The following GALNT13 variants were observed in gnomAD, a reference collection of about 807,000 sequenced individuals.
GALNT13 encodes polypeptide N-acetylgalactosaminyltransferase 13.
In GALNT13, 28 loss-of-function variants were observed where a neutral mutation model predicts 64.2. The observed-to-expected ratio is 0.44, with a 90% confidence interval of 0.32 to 0.60. The LOEUF is 0.60. Among genes scored for constraint, GALNT13 ranks in the 20% least tolerant of loss-of-function variants. The pLI is 0.05. For missense variants in GALNT13, 577 were observed against 669.8 expected (o/e 0.86, Z 1.53); for synonymous variants, 214 against 224.6 (o/e 0.95, Z 0.42).
chr2:153,971,908 A>G (rs1693767344), intron 3 of GALNT13, among the ~76,000 whole-genome samples: 1 of 152,136 alleles, frequency 6.6e-6, no homozygotes, highest in Admixed American at 6.6e-5. Flanking sequence ...AAGGATTGAG[A>G]TGAGATCATA....
chr2:153,296,097 C>G, the GALNT13 span, among the ~76,000 whole-genome samples: 1 of 152,164 alleles, frequency 6.6e-6, no homozygotes, highest in Non-Finnish European at 1.5e-5. Flanking sequence ...GATAGGAAAA[C>G]TCTAGCTATC....
intron 2 of GALNT13, among the ~76,000 whole-genome samples, chr2:153,922,966 C>A (rs747438814): frequency 6.6e-6 from 1 of 151,948 alleles, no homozygotes; most frequent in African/African-American, 2.4e-5. Context: ...GCGGTGTGAT[C>A]TGGGCTCACT....
At chr2:154,134,575 G>A (rs1448587741) in intron 3 of GALNT13, among the ~76,000 whole-genome samples, 1 of 152,126 alleles carries the variant, frequency 6.6e-6, no homozygotes, top group African/African-American at 2.4e-5. Context: ...CAAAGAAAAA[G>A]CATTGGTTAA....
At chr2:154,186,757 C>T (rs1686273041) in intron 4 of GALNT13, among the ~76,000 whole-genome samples, 1 of 152,038 alleles carries the variant, frequency 6.6e-6, no homozygotes, top group African/African-American at 2.4e-5. Context: ...GACTTTGACC[C>T]TGAGTGCACA....
the GALNT13 span, among the ~76,000 whole-genome samples, chr2:153,616,935 A>G: frequency 1.8e-4 from 28 of 151,936 alleles, no homozygotes; most frequent in African/African-American, 6.5e-4. Context: ...ACATGGGAGT[A>G]CCAGATATAT....
In GALNT13 at chr2:154,101,521, C is replaced by T. The variant is rs900112546; in HGVS notation, c.143-38816C>T. Reference sequence around the variant, plus strand: ...CTGTTATTTTTGTCATTTTTGATTGCGCTTATTTGAATTTTGTCTCTTTTA... The same window carrying T: ...CTGTTATTTTTGTCATTTTTGATTGTGCTTATTTGAATTTTGTCTCTTTTA... On this transcript the variant is annotated intron_variant, in intron 3 of 12. Transcript: ENST00000392825. 1.4e-4 allele frequency among the ~76,000 whole-genome samples: 21 copies of T among 151,846 alleles called. 1 individual carries two copies. The highest frequency in any genetic ancestry group is 9.2e-4 in the Admixed American group (14 of 15,222).
At chr2:153,132,290 C>T in the GALNT13 span, among the ~76,000 whole-genome samples, 3 of 152,136 alleles carry the variant, frequency 2.0e-5, no homozygotes, top group Non-Finnish European at 2.9e-5. Context: ...CCCAGTTGCT[C>T]TTCTCTGACT....
At chr2:154,276,230 C>A (rs986192347) in intron 8 of GALNT13, among the ~76,000 whole-genome samples, 5 of 150,206 alleles carry the variant, frequency 3.3e-5, no homozygotes, top group Non-Finnish European at 5.9e-5. Flanking sequence ...TTTGTTTTCT[C>A]TTTTTTTTTG....
At chr2:153,265,602 G>GC in the GALNT13 span, among the ~76,000 whole-genome samples, 1 of 152,160 alleles carries the variant, frequency 6.6e-6, no homozygotes, top group African/African-American at 2.4e-5. Flanking sequence ...CCTCTTTAGT[G>GC]TCTATTTCTT....
chr2:153,882,059 T>C (rs1686822136), intron 1 of GALNT13, among the ~76,000 whole-genome samples: 1 of 152,104 alleles, frequency 6.6e-6, no homozygotes, highest in Non-Finnish European at 1.5e-5. Flanking sequence ...GAACTATTTT[T>C]ATCTAAACTA....
chr2:153,234,906 C>T, the GALNT13 span, among the ~76,000 whole-genome samples: 4 of 152,148 alleles, frequency 2.6e-5, no homozygotes, highest in Non-Finnish European at 4.4e-5. Flanking sequence ...TATTGTACTT[C>T]GTAGCATTTG....
chr2:153,744,506 C>T, the GALNT13 span, among the ~76,000 whole-genome samples: 1 of 151,988 alleles, frequency 6.6e-6, no homozygotes, highest in African/African-American at 2.4e-5. Context: ...AGATATTTTG[C>T]CTATTTTTAA....
intron 8 of GALNT13, among the ~76,000 whole-genome samples, chr2:154,296,347 C>A (rs1692924029): frequency 6.6e-6 from 1 of 152,156 alleles, no homozygotes; most frequent in Admixed American, 6.5e-5. Context: ...GCTCTAAAGG[C>A]AGCACCAGGA....
the GALNT13 span, among the ~76,000 whole-genome samples, chr2:153,851,972 AT>A: frequency 6.6e-6 from 1 of 152,290 alleles, no homozygotes; most frequent in East Asian, 1.9e-4. Context: ...GTATAATATT[AT>A]TTGAAGGTGA....
At chr2:153,657,765 A>C in the GALNT13 span, among the ~76,000 whole-genome samples, 6 of 152,136 alleles carry the variant, frequency 3.9e-5, no homozygotes, top group Non-Finnish European at 8.8e-5. Context: ...GCATAAACCA[A>C]TTAGGCATAT....
At chr2:153,263,443 T>C in the GALNT13 span, among the ~76,000 whole-genome samples, 165 of 152,184 alleles carry the variant, frequency 1.1e-3, no homozygotes, top group Middle Eastern at 3.4e-3. Flanking sequence ...TAGAAAAAAA[T>C]CTATTTTAAA....
At chr2:153,981,589 T>G (rs539217124) in intron 3 of GALNT13, among the ~76,000 whole-genome samples, 131 of 152,312 alleles carry the variant, frequency 8.6e-4, no homozygotes, top group East Asian at 7.7e-4. Flanking sequence ...GATGTATATA[T>G]GCCACATTTT....
chr2:153,903,172 G>C (rs150088827), intron 2 of GALNT13, among the ~76,000 whole-genome samples: 1 of 151,790 alleles, frequency 6.6e-6, no homozygotes, highest in African/African-American at 2.4e-5. Flanking sequence ...TATAAGTTAC[G>C]ATAGTAAACA....
rs535971113 is a variant in GALNT13 at position 154,076,789 on chromosome 2, G to C, written c.143-63548G>C. On this transcript the variant is annotated intron_variant, in intron 3 of 12. Coordinates refer to ENST00000392825, the MANE Select transcript of GALNT13 (RefSeq NM_052917.4). Reference sequence around the variant, plus strand: ...TTATACTATTGGGTAGTAATTAAGGGTTTTGGCAAGCTTGTTTAAGAAGTA... The same window carrying C: ...TTATACTATTGGGTAGTAATTAAGGCTTTTGGCAAGCTTGTTTAAGAAGTA... 5.0e-4 allele frequency among the ~76,000 whole-genome samples: 76 copies of C among 151,674 alleles called. 1 individual carries two copies. The highest frequency in any genetic ancestry group is 1.8e-3 in the African/African-American group (74 of 41,482).
Sources: allele counts gnomAD v4.1 joint callset (sites outside exome capture counted in the v4.1 genomes callset), GRCh38; gene constraint gnomAD v4.1.1; transcripts MANE v1.5; gene names NCBI Gene and HGNC (gene_info 2026-07-23, HGNC 2026-07-21).